KIAA1217: variants seen among roughly 807,000 people sequenced by gnomAD.
KIAA1217 encodes KIAA1217.
Under a neutral mutation model 163.9 loss-of-function variants are expected in KIAA1217, and 88 were observed. The observed-to-expected ratio is 0.54, with a 90% CI of 0.45 to 0.64. The LOEUF is 0.64. Ranked by LOEUF, KIAA1217 falls within the 30% of genes least tolerant of loss-of-function variation. The pLI is 0.00. For synonymous variants in KIAA1217, 903 were observed against 923.1 expected (o/e 0.98, Z 0.39); for missense variants, 2,372 against 2,475.0 (o/e 0.96, Z 0.88).
chr10:24,019,410 A>G lies in KIAA1217; in HGVS notation c.-171+12036A>G, dbSNP rs148084349. Among the ~76,000 whole-genome samples the G allele has an allele frequency of 9.2e-5, 14 of 152,184 alleles. No homozygotes were observed. The East Asian group carries it at 2.1e-3, about 23-fold the overall frequency. On this transcript the variant is annotated intron_variant, in intron 2 of 18. Transcript: ENST00000376462. The stretch of plus-strand genomic sequence containing the variant: ...CTTAAGGAATGCAAAAAAAATTTAA[A>G]AAATAAAATAAAAATAATTTAAAAT...
intron 1 of KIAA1217, among the ~76,000 whole-genome samples, chr10:23,752,177 G>T (rs185395405): frequency 6.6e-6 from 1 of 152,250 alleles, no homozygotes; most frequent in East Asian, 1.9e-4. Flanking sequence ...GAATTTCACT[G>T]TGAACATTTT....
At chr10:24,090,140 TTTTC>T (rs941652515) in intron 2 of KIAA1217, among the ~76,000 whole-genome samples, 4 of 149,990 alleles carry the variant, frequency 2.7e-5, no homozygotes, top group Admixed American at 1.3e-4. Flanking sequence ...AAGCTTTCTT[TTTTC>T]TTTCTTTCTT....
chr10:23,858,548 A>T (rs887580979), intron 1 of KIAA1217, among the ~76,000 whole-genome samples: 14 of 151,910 alleles, frequency 9.2e-5, no homozygotes, highest in African/African-American at 3.4e-4. Flanking sequence ...TATCAGTATC[A>T]TTGCTTGAAT....
intron 3 of KIAA1217, among the ~76,000 whole-genome samples, chr10:24,411,104 C>G (rs1305108364): frequency 6.6e-6 from 1 of 152,192 alleles, no homozygotes; most frequent in Non-Finnish European, 1.5e-5. Context: ...CAGATTAGGG[C>G]TGAAATTCCA....
intron 1 of KIAA1217, among the ~76,000 whole-genome samples, chr10:23,898,577 T>A (rs952255875): frequency 1.3e-5 from 2 of 152,010 alleles, no homozygotes; most frequent in Admixed American, 6.6e-5. Flanking sequence ...CTTCTTAAAA[T>A]TTTTTAAGTG....
At chr10:24,426,811 T>A (rs907734685) in intron 3 of KIAA1217, among the ~76,000 whole-genome samples, 1 of 152,262 alleles carries the variant, frequency 6.6e-6, no homozygotes, top group Admixed American at 6.5e-5. Context: ...GTGGGATGAA[T>A]GTGCACCGTA....
intron 2 of KIAA1217, among the ~76,000 whole-genome samples, chr10:24,073,963 TAC>T (rs2061279575): frequency 1.3e-5 from 2 of 151,984 alleles, no homozygotes; most frequent in Non-Finnish European, 1.5e-5. Flanking sequence ...GATCTGGGGA[TAC>T]ATTGTGTACT....
intron 1 of KIAA1217, among the ~76,000 whole-genome samples, chr10:24,004,827 G>T (rs766823968): frequency 6.6e-6 from 1 of 152,224 alleles, no homozygotes; most frequent in African/African-American, 2.4e-5. Flanking sequence ...CAGAAAAGAT[G>T]AATACAAATG....
chr10:24,484,536 C>T (rs2065147725), intron 6 of KIAA1217, among the ~76,000 whole-genome samples: 1 of 151,330 alleles, frequency 6.6e-6, no homozygotes, highest in African/African-American at 2.4e-5. Context: ...TGTGAGCCAC[C>T]GTGTATGGCC....
chr10:24,411,878 G>T (rs978541004), intron 3 of KIAA1217, among the ~76,000 whole-genome samples: 6 of 152,064 alleles, frequency 3.9e-5, no homozygotes, highest in African/African-American at 1.4e-4. Flanking sequence ...TTGGAGACTA[G>T]ATACGATCAG....
intron 1 of KIAA1217, among the ~76,000 whole-genome samples, chr10:23,816,485 G>T (rs1375580121): frequency 6.6e-6 from 1 of 152,138 alleles, no homozygotes; most frequent in Non-Finnish European, 1.5e-5. Context: ...TACAGATGAG[G>T]TTTCACCATA....
chr10:23,906,648 C>A lies in KIAA1217; in HGVS notation c.-320-100577C>A, dbSNP rs761926462. ...AATGTCTCCAAGACTAAATCCCCAA[C>A]ATGCATTTGGTTTTATGATTGGTGT... On this transcript the variant is annotated intron_variant, in intron 1 of 18. Transcript: ENST00000376462. 2.9e-4 allele frequency among the ~76,000 whole-genome samples: 44 copies of A among 152,064 alleles called. 1 individual carries two copies. The highest frequency in any genetic ancestry group is 1.0e-4 in the Non-Finnish European group (7 of 68,016).
chr10:24,257,864 C>G (rs971102872), intron 2 of KIAA1217, among the ~76,000 whole-genome samples: 18 of 152,284 alleles, frequency 1.2e-4, no homozygotes, highest in African/African-American at 3.8e-4. Context: ...GATGCTTCCC[C>G]TAGGCCCCAG....
chr10:24,123,510 G>T (rs1157036477), intron 2 of KIAA1217, among the ~76,000 whole-genome samples: 1 of 152,100 alleles, frequency 6.6e-6, no homozygotes, highest in Non-Finnish European at 1.5e-5. Flanking sequence ...AAATTTTCTA[G>T]AAGTTGATCA....
chr10:24,116,395 A>G (rs1437656092), intron 2 of KIAA1217, among the ~76,000 whole-genome samples: 1 of 152,214 alleles, frequency 6.6e-6, no homozygotes, highest in Non-Finnish European at 1.5e-5. Context: ...TCTGCAGACC[A>G]TGCAGTCTCT....
intron 2 of KIAA1217, among the ~76,000 whole-genome samples, chr10:24,245,521 A>C (rs1342712734): frequency 6.6e-6 from 1 of 152,166 alleles, no homozygotes; most frequent in Non-Finnish European, 1.5e-5. Context: ...TAAGAGAACT[A>C]AGATTCTGAT....
At chr10:24,025,243 A>T (rs1847890600) in intron 2 of KIAA1217, among the ~76,000 whole-genome samples, 1 of 151,760 alleles carries the variant, frequency 6.6e-6, no homozygotes, top group South Asian at 2.1e-4. Flanking sequence ...AAAAATATGC[A>T]ACTATTCTAG....
intron 2 of KIAA1217, among the ~76,000 whole-genome samples, chr10:24,355,642 A>T (rs983268330): frequency 7.0e-6 from 1 of 143,318 alleles, no homozygotes; most frequent in Non-Finnish European, 1.5e-5. Flanking sequence ...CATTCAGTTC[A>T]TGGCACTTGT....
At chr10:23,924,446 C>T (rs1842952018) in intron 1 of KIAA1217, among the ~76,000 whole-genome samples, 1 of 152,058 alleles carries the variant, frequency 6.6e-6, no homozygotes, top group Non-Finnish European at 1.5e-5. Context: ...TTAAATGCCT[C>T]TATAGTGTAA....
Sources: allele counts gnomAD v4.1 joint callset (sites outside exome capture counted in the v4.1 genomes callset), GRCh38; gene constraint gnomAD v4.1.1; transcripts MANE v1.5; gene names NCBI Gene and HGNC (gene_info 2026-07-23, HGNC 2026-07-21).